The following TSPEAR variants were observed in gnomAD, a reference collection of about 807,000 sequenced individuals.
TSPEAR encodes thrombospondin-type laminin G domain and EAR repeat-containing protein.
TSPEAR carries 69 observed loss-of-function variants against 71.6 expected under a neutral mutation model. The ratio of observed to expected loss-of-function variants is 0.96; its 90% CI spans 0.79 to 1.18. The LOEUF (loss-of-function observed/expected upper bound fraction) is 1.18. Ranked by LOEUF, TSPEAR falls within the 50% of genes most tolerant of loss-of-function variation. The probability of loss-of-function intolerance (pLI) is 0.00; values close to 1 mark genes in which losing one functional copy is unlikely to be tolerated. For missense variants in TSPEAR, 971 were observed against 894.9 expected, an observed-to-expected ratio of 1.09 and a Z score of -1.09; for synonymous variants, 402 against 387.2, an observed-to-expected ratio of 1.04 and a Z score of -0.45.
rs954757564 is a variant in TSPEAR, at chr21:44,543,484, C to T, written c.304-9561G>A. Among the ~76,000 whole-genome samples, 46 of 152,314 alleles carry T rather than the reference C, an allele frequency of 3.0e-4. 1 individual carries two copies. The highest frequency in any genetic ancestry group is 1.1e-3 in the African/African-American group (46 of 41,566). On this transcript the variant is annotated intron_variant, in intron 2 of 11. Coordinates refer to ENST00000323084, the MANE Select transcript of TSPEAR (RefSeq NM_144991.3). Reference sequence around the variant, plus strand: ...AGTAGATGCTAGTACTTGGCCGAATCATTCCTCCCCAAAGGTTGTCTCCAC... The same window carrying T: ...AGTAGATGCTAGTACTTGGCCGAATTATTCCTCCCCAAAGGTTGTCTCCAC...
At chr21:44,706,464 TGCACACACCCACGCGTACACACCCACGC>T (rs142897060) in intron 1 of TSPEAR, among the ~76,000 whole-genome samples, 30,063 of 151,416 alleles carry the variant, frequency 0.2, 3,383 homozygotes, top group Non-Finnish European at 0.24. Flanking sequence ...CACACCCACG[TGCACACACCCACGCGTACACACCCACGC>T]GCACACACCG....
chr21:44,710,072 G>A lies in TSPEAR; in HGVS notation c.82+1361C>T, dbSNP rs888783767. On this transcript the variant is annotated intron_variant, in intron 1 of 11. Transcript: ENST00000323084. This position sits in a 1 kb window ranked among gnomAD's most constrained non-coding sequence, Gnocchi z 4.6. ...ATGAAAATACATGTCTGTGACTCATGCCCCCCCACCCCCACTCCAGGGTGT... is the reference window on the plus strand; with the variant it reads ...ATGAAAATACATGTCTGTGACTCATACCCCCCCACCCCCACTCCAGGGTGT... Among the ~76,000 whole-genome samples the A allele has an allele frequency of 6.6e-6, 1 of 151,994 alleles. No homozygotes were observed. Among genetic ancestry groups the A allele is most frequent in the Non-Finnish European group, 1.5e-5 (1 of 67,988 alleles).
At chr21:44,548,092 C>T (rs2053330816) in intron 2 of TSPEAR, among the ~76,000 whole-genome samples, 1 of 152,212 alleles carries the variant, frequency 6.6e-6, no homozygotes, top group Non-Finnish European at 1.5e-5. Flanking sequence ...CTGACAAAGC[C>T]TCAGTGTAGC....
At chr21:44,705,749 C>T (rs926437784) in intron 1 of TSPEAR, among the ~76,000 whole-genome samples, 4 of 152,254 alleles carry the variant, frequency 2.6e-5, no homozygotes, top group East Asian at 1.9e-4. Flanking sequence ...CAATGGTGCC[C>T]GAAACTTCAT....
chr21:44,599,172 C>CTCTCTCTCTCTCTCAATGTA (rs1372930980), intron 1 of TSPEAR, among the ~76,000 whole-genome samples: 19 of 146,070 alleles, frequency 1.3e-4, no homozygotes, highest in African/African-American at 5.0e-4. Flanking sequence ...CTCTCTCTCT[C>CTCTCTCTCTCTCTCAATGTA]CTTCCATCCC....
chr21:44,709,978 G>A (rs1308880455), intron 1 of TSPEAR, among the ~76,000 whole-genome samples: 3 of 152,166 alleles, frequency 2.0e-5, no homozygotes, highest in Non-Finnish European at 4.4e-5. Context: ...AGGGGAGAGG[G>A]GGAGGGCTTT....
chr21:44,505,560 T>A (rs868922762), intron 10 of TSPEAR, among the ~76,000 whole-genome samples: 1 of 11,646 alleles, frequency 8.6e-5, no homozygotes, highest in Admixed American at 9.6e-4. Context: ...CATCACCCCC[T>A]CCCCCCTCCC....
At chr21:44,585,854 C>G (rs1979302931) in intron 1 of TSPEAR, among the ~76,000 whole-genome samples, 1 of 152,102 alleles carries the variant, frequency 6.6e-6, no homozygotes, top group Non-Finnish European at 1.5e-5. Context: ...GTCTGAGGAC[C>G]CTTAGTTGTT....
At chr21:44,684,049 A>C (rs1341493407) in intron 1 of TSPEAR, among the ~76,000 whole-genome samples, 2 of 152,246 alleles carry the variant, frequency 1.3e-5, no homozygotes, top group Admixed American at 6.5e-5. Context: ...CACATCATGA[A>C]GTGATGAAAA....
At chr21:44,572,678 T>C (rs1274298024) in intron 1 of TSPEAR, among the ~76,000 whole-genome samples, 1 of 151,984 alleles carries the variant, frequency 6.6e-6, no homozygotes, top group Non-Finnish European at 1.5e-5. Flanking sequence ...GATTGAATTG[T>C]GTCCCTCAAA....
rs142377154 is a variant in TSPEAR, at chr21:44,581,566, T to C, written c.83-13561A>G. On this transcript the variant is annotated intron_variant, in intron 1 of 11. Transcript: ENST00000323084. ...TCTCCGTTTAACTCTCTGGGAACAT[T>C]TGGTTTTCTTTTTATTCTTCTTTTG... Among the ~76,000 whole-genome samples the C allele has an allele frequency of 8.6e-3, 1,304 of 152,300 alleles. 15 individuals are homozygous for C. The highest frequency in any genetic ancestry group is 0.029 in the African/African-American group (1,220 of 41,558).
At chr21:44,518,651 C>T (rs1555913840) in intron 9 of TSPEAR, 3 of 470,730 alleles carry the variant, frequency 6.4e-6, no homozygotes, top group South Asian at 4.6e-5. Flanking sequence ...GCTCTCAAGA[C>T]CCCCTGGAGG....
chr21:44,579,939 A>T lies in TSPEAR; in HGVS notation c.83-11934T>A, dbSNP rs782195951. On this transcript the variant is annotated intron_variant, in intron 1 of 11. Coordinates refer to ENST00000323084, the MANE Select transcript of TSPEAR (RefSeq NM_144991.3). ...GACACGGAGGAGGAGGGTCTGCAGC[A>T]GGAGGTGGTGCAGCAAGCCGGCTGA... The T allele has an allele frequency of 1.9e-6, 3 of 1,614,150 alleles. No homozygotes were observed. In the South Asian group the frequency reaches 3.3e-5, roughly 18 times the overall value.
intron 1 of TSPEAR, chr21:44,575,277 C>T (rs12627028): frequency 0.31 from 157,510 of 512,462 alleles, 25,623 homozygotes; most frequent in Admixed American, 0.48. Context: ...AGCCTTGACC[C>T]GTGAGGTCTC....
At chr21:44,582,086 G>A (rs1328461731) in intron 1 of TSPEAR, among the ~76,000 whole-genome samples, 2 of 152,208 alleles carry the variant, frequency 1.3e-5, no homozygotes, top group African/African-American at 2.4e-5. Context: ...TGGGACTGAA[G>A]GACTCGATGC....
At chr21:44,581,409 T>C (rs587638009) in intron 1 of TSPEAR, among the ~76,000 whole-genome samples, 1 of 152,342 alleles carries the variant, frequency 6.6e-6, no homozygotes, top group African/African-American at 2.4e-5. Flanking sequence ...TCAGAATTAT[T>C]ATTATAAATA....
intron 9 of TSPEAR, among the ~76,000 whole-genome samples, chr21:44,517,033 CCT>C (rs1164396595): frequency 5.9e-5 from 9 of 152,176 alleles, no homozygotes; most frequent in Non-Finnish European, 8.8e-5. Context: ...TGGCCTGGCC[CCT>C]GTGTCTCTGC....
intron 3 of TSPEAR, among the ~76,000 whole-genome samples, chr21:44,531,723 T>C (rs906654617): frequency 6.6e-6 from 1 of 152,170 alleles, no homozygotes; most frequent in Non-Finnish European, 1.5e-5. Context: ...TCCACTGAGC[T>C]CCTGCACCAT....
intron 1 of TSPEAR, chr21:44,602,117 C>A (rs1980979673): frequency 1.1e-5 from 4 of 352,838 alleles, no homozygotes; most frequent in Admixed American, 4.4e-5. Context: ...CTTTCTCTGT[C>A]TTCCCTGACC....
Sources: allele counts gnomAD v4.1 joint callset (sites outside exome capture counted in the v4.1 genomes callset), GRCh38; gene constraint gnomAD v4.1.1; non-coding constraint Gnocchi (gnomAD v3.1); transcripts MANE v1.5; gene names NCBI Gene and HGNC (gene_info 2026-07-23, HGNC 2026-07-21).